LMO7: variants seen among roughly 807,000 people sequenced by gnomAD.
The protein encoded by LMO7 is LIM domain only protein 7.
A neutral mutation model predicts 206.5 loss-of-function variants in LMO7; 120 were observed. The observed-to-expected ratio is 0.58, with a 90% CI of 0.50 to 0.68. LMO7 has a LOEUF of 0.68. Ranked by LOEUF, LMO7 falls within the 30% of genes least tolerant of loss-of-function variation. The pLI, the probability that LMO7 is intolerant of heterozygous loss-of-function variation, is 0.00. For synonymous variants in LMO7, 706 were observed against 681.5 expected, an observed-to-expected ratio of 1.04 and a Z score of -0.56; for missense variants, 1,959 against 1,957.9, an observed-to-expected ratio of 1.00 and a Z score of -0.01.
At chr13:75,752,577 T>C (rs2139472943) in intron 3 of LMO7, among the ~76,000 whole-genome samples, 1 of 152,312 alleles carries the variant, frequency 6.6e-6, no homozygotes, top group Admixed American at 6.5e-5. Flanking sequence ...CCTCCCATCA[T>C]CCACCCCCTT....
rs374162564 is a variant in LMO7 at position 75,832,432 on chromosome 13, C to T, written c.2950-619C>T. 2.6e-5 allele frequency among the ~76,000 whole-genome samples: 4 copies of T among 152,108 alleles called. No individual in the cohort carries two copies. In the South Asian group the frequency reaches 8.3e-4, roughly 32 times the overall value. Reference sequence around the variant, plus strand: ...CCTCTTGGTATCTTAAGGAGTAATTCCTTACAGGTGACATAGTTCTGCATT... The same window carrying T: ...CCTCTTGGTATCTTAAGGAGTAATTTCTTACAGGTGACATAGTTCTGCATT... On this transcript the variant is annotated intron_variant, in intron 15 of 30. Coordinates refer to ENST00000377534, the MANE Select transcript of LMO7 (RefSeq NM_001306080.2).
Position 75,807,964 on chromosome 13 carries a change from C to T in LMO7, c.1681C>T (p.Leu561Phe), listed in dbSNP as rs2241913. Reference protein sequence around the residue: ...PEIQAKFLCVLERTCPSKEKS... With the variant: ...PEIQAKFLCVFERTCPSKEKS... ...AATTCAAGCAAAATTTCTCTGTGTA[C>T]TTGAAAGGACATGCCCATCCAAAGA... Residue 561 changes from leucine to phenylalanine, a missense_variant, in exon 10 of 31, where the codon CTT becomes TTT. By Grantham distance (22) the Leu-to-Phe change is conservative. Transcript: ENST00000377534. 183,426 of 1,613,768 alleles carry T rather than the reference C, an allele frequency of 0.11. 12,056 individuals carry two copies. Among genetic ancestry groups the T allele is most frequent in the Admixed American group, 0.26 (15,892 of 60,010 alleles).
In LMO7 at chr13:75,823,589, G is replaced by T; in HGVS notation, c.2665G>T (p.Gly889Ter). 6.2e-7 allele frequency: 1 copy of T among 1,613,148 alleles called. No homozygotes were observed. Among genetic ancestry groups the T allele is most frequent in the South Asian group, 1.1e-5 (1 of 91,044 alleles). Reference protein sequence around the residue: ...YTMDDAWKYNGDVEDIKRTPN... With the variant: ...YTMDDAWKYN ...GATGGATGATGCTTGGAAGTATAAT[G>T]GAGATGTTGAAGACATTAAGAGAAC... Residue 889 changes from glycine (G) to a stop codon, truncating the protein, a stop_gained, in exon 15 of 31, where the codon GGA becomes TGA. Transcript: ENST00000377534. LOFTEE classifies it high-confidence loss of function.
intron 1 of LMO7, among the ~76,000 whole-genome samples, chr13:75,643,625 A>C (rs781169936): frequency 4.9e-4 from 75 of 152,244 alleles, no homozygotes; most frequent in Non-Finnish European, 1.1e-3. Flanking sequence ...TAGTTTCAGA[A>C]GGTATTAAAT....
chr13:75,710,248 TTTC>T (rs2042986132), intron 1 of LMO7, among the ~76,000 whole-genome samples: 1 of 152,158 alleles, frequency 6.6e-6, no homozygotes, highest in African/African-American at 2.4e-5. Flanking sequence ...CTCCAGCTTT[TTTC>T]TTTTGGCTTA....
chr13:75,691,207 T>C (rs1475772921), intron 1 of LMO7, among the ~76,000 whole-genome samples: 1 of 152,210 alleles, frequency 6.6e-6, no homozygotes, highest in Non-Finnish European at 1.5e-5. Context: ...AAATTAGTTT[T>C]GCTTCAGGTA....
chr13:75,724,973 A>G (rs2044341194), intron 2 of LMO7, among the ~76,000 whole-genome samples: 2 of 152,134 alleles, frequency 1.3e-5, no homozygotes, highest in Non-Finnish European at 2.9e-5. Flanking sequence ...ATGCTAATCC[A>G]TTGTGTGTCT....
At chr13:75,639,610 G>A (rs2036313607) in intron 1 of LMO7, among the ~76,000 whole-genome samples, 1 of 152,242 alleles carries the variant, frequency 6.6e-6, no homozygotes, top group African/African-American at 2.4e-5. Context: ...CTCTTCTGCA[G>A]TACCTTTTAA....
At chr13:75,738,336 A>C (rs61958151) in intron 3 of LMO7, among the ~76,000 whole-genome samples, 2,464 of 152,314 alleles carry the variant, frequency 0.016, 28 homozygotes, top group Middle Eastern at 0.044. Context: ...TACCTTTTGC[A>C]TATGGACCTG....
chr13:75,620,731 A>G (rs1469987121), exon 1 of LMO7: 1 of 152,210 alleles, frequency 6.6e-6, no homozygotes, highest in African/African-American at 2.4e-5. Context: ...TTTTTAAGAA[A>G]GAAAAATAAT....
intron 4 of LMO7, among the ~76,000 whole-genome samples, chr13:75,779,502 A>T (rs941142608): frequency 6.6e-6 from 1 of 152,242 alleles, no homozygotes; most frequent in Non-Finnish European, 1.5e-5. Context: ...TGTCAGGATT[A>T]TATTAACCTG....
In LMO7 at chr13:75,636,464, C is replaced by A. The variant is rs2035865857; in HGVS notation, c.-194C>A. On this transcript the variant is annotated 5_prime_UTR_variant, in exon 1 of 31. Transcript: ENST00000377534. ...TTAGAGAAAGCCAGGTCTTCACGTT[C>A]GTGTAGGTTCGAGACCTTAACGAAC... The A allele has an allele frequency of 7.0e-7, 1 of 1,428,846 alleles. No homozygotes were observed. The highest frequency in any genetic ancestry group is 9.1e-7 in the Non-Finnish European group (1 of 1,098,750). The allele number at this position is 1,428,846 out of a possible 1,614,324, so 88.5% of individuals were successfully genotyped here. A position where few individuals can be genotyped will look rare whatever the true frequency, so the allele number is the denominator to read the frequency against.
At chr13:75,636,127 G>A, upstream of LMO7, 1 of 205,488 alleles carries the variant, frequency 4.9e-6, no homozygotes, top group Non-Finnish European at 8.5e-6. Flanking sequence ...CCCCAGCGGG[G>A]CCCGGGCCGC....
intron 1 of LMO7, among the ~76,000 whole-genome samples, chr13:75,683,425 G>A (rs1303341705): frequency 1.3e-5 from 2 of 152,126 alleles, no homozygotes; most frequent in African/African-American, 2.4e-5. Flanking sequence ...TGAGGTTTAC[G>A]TTGGTTTGCA....
At chr13:75,753,697 T>C (rs185869651) in intron 3 of LMO7, among the ~76,000 whole-genome samples, 19 of 152,184 alleles carry the variant, frequency 1.2e-4, no homozygotes, top group Non-Finnish European at 2.6e-4. Flanking sequence ...TTCTCCTTCC[T>C]TCTGCCATGT....
intron 1 of LMO7, among the ~76,000 whole-genome samples, chr13:75,668,617 C>T (rs370461404): frequency 3.9e-5 from 6 of 152,152 alleles, no homozygotes; most frequent in African/African-American, 1.2e-4. Context: ...CAACTCACTT[C>T]CAGTAAATGC....
intron 1 of LMO7, among the ~76,000 whole-genome samples, chr13:75,657,997 A>G (rs1334877597): frequency 2.0e-5 from 3 of 151,044 alleles, no homozygotes; most frequent in Non-Finnish European, 4.4e-5. Context: ...TAGCCAGTTA[A>G]TTTGGATTTT....
At chr13:75,827,987 G>GT (rs1269405236) in intron 15 of LMO7, among the ~76,000 whole-genome samples, 2 of 152,202 alleles carry the variant, frequency 1.3e-5, no homozygotes, top group African/African-American at 4.8e-5. Context: ...CCTGCTCTCT[G>GT]TAAGGGTGGA....
At chr13:75,832,946 G>T in intron 15 of LMO7, 105 bp from the exon 16 acceptor site, 1 of 613,306 alleles carries the variant, frequency 1.6e-6, no homozygotes, top group Admixed American at 2.7e-5. Flanking sequence ...ATCATGAAAT[G>T]ATTCAAGTCT....
Sources: allele counts gnomAD v4.1 joint callset (sites outside exome capture counted in the v4.1 genomes callset), GRCh38; gene constraint gnomAD v4.1.1; transcripts MANE v1.5; gene names NCBI Gene and HGNC (gene_info 2026-07-23, HGNC 2026-07-21).